The following MYO1D variants were observed in gnomAD, a reference collection of about 807,000 sequenced individuals.
The protein encoded by MYO1D is unconventional myosin-Id.
Under a neutral mutation model 122.0 loss-of-function variants are expected in MYO1D, and 83 were observed. The ratio of observed to expected loss-of-function variants is 0.68; its 90% confidence interval spans 0.57 to 0.82. The LOEUF (loss-of-function observed/expected upper bound fraction) is 0.82, where lower values mean the gene tolerates loss of function less well. MYO1D is among the 40% of genes least tolerant of loss of function. The probability of loss-of-function intolerance (pLI) is 0.00; values close to 1 mark genes in which losing one functional copy is unlikely to be tolerated. For synonymous variants in MYO1D, 464 were observed against 446.9 expected (o/e 1.04, Z -0.48); for missense variants, 1,157 against 1,269.5 (o/e 0.91, Z 1.35).
chr17:32,573,031 T>C (rs954444879), intron 21 of MYO1D, among the ~76,000 whole-genome samples: 1 of 152,072 alleles, frequency 6.6e-6, no homozygotes, highest in East Asian at 1.9e-4. Flanking sequence ...TCACTGCCTG[T>C]ATCCCAATCA....
intron 16 of MYO1D, among the ~76,000 whole-genome samples, chr17:32,692,566 T>TA (rs1375788822): frequency 1.3e-5 from 2 of 152,210 alleles, no homozygotes; most frequent in Non-Finnish European, 2.9e-5. Flanking sequence ...GAACGGCTAT[T>TA]ACAATAAAAT....
At chr17:32,864,548 GAAAAAAA>G (rs200717040) in intron 1 of MYO1D, among the ~76,000 whole-genome samples, 1 of 73,014 alleles carries the variant, frequency 1.4e-5, no homozygotes, top group Non-Finnish European at 2.6e-5. Context: ...TTCTACGAAT[GAAAAAAA>G]AAAAAAAAAA....
chr17:32,578,867 A>C (rs912538836), intron 21 of MYO1D, among the ~76,000 whole-genome samples: 1 of 152,042 alleles, frequency 6.6e-6, no homozygotes, highest in Non-Finnish European at 1.5e-5. Flanking sequence ...TTCACTCTAC[A>C]TGTTTCCTTG....
chr17:32,786,936 C>T (rs2090302254), intron 1 of MYO1D, among the ~76,000 whole-genome samples: 1 of 151,462 alleles, frequency 6.6e-6, no homozygotes, highest in African/African-American at 2.4e-5. Context: ...AAAGGCAGAC[C>T]AAGAATACCC....
At chr17:32,515,743 G>A (rs1256327334) in intron 21 of MYO1D, among the ~76,000 whole-genome samples, 2 of 152,200 alleles carry the variant, frequency 1.3e-5, no homozygotes, top group Non-Finnish European at 2.9e-5. Flanking sequence ...TTAAGTAGCA[G>A]GTGGTGGGGG....
At chr17:32,730,776 A>G (rs1240354341) in intron 14 of MYO1D, among the ~76,000 whole-genome samples, 1 of 151,864 alleles carries the variant, frequency 6.6e-6, no homozygotes, top group East Asian at 1.9e-4. Context: ...GGGCTTCCTG[A>G]TTCTGTTAAG....
rs756678463 is a variant in MYO1D, at chr17:32,755,481, A to C, written c.1467+11T>G. 6.2e-7 allele frequency: 1 copy of C among 1,612,368 alleles called. No homozygotes were observed. The highest frequency in any genetic ancestry group is 1.1e-5 in the South Asian group (1 of 90,844). On this transcript the variant is annotated intron_variant, in intron 11 of 21. Transcript: ENST00000318217. ...CAGATAAAAGGAAGAAGGTGTCATT[A>C]AACACATTACCTTTCGGCTGGAAAA...
At chr17:32,748,793 A>G (rs2089867471) in intron 12 of MYO1D, 143 bp downstream of exon 12, 1 of 770,440 alleles carries the variant, frequency 1.3e-6, no homozygotes. Context: ...GCCATTTTTA[A>G]GTTGAACAAA....
intron 21 of MYO1D, among the ~76,000 whole-genome samples, chr17:32,584,956 C>A (rs568445558): frequency 3.9e-5 from 6 of 152,298 alleles, no homozygotes; most frequent in Admixed American, 3.3e-4. Flanking sequence ...CTGTCAAATA[C>A]TCATTCCTAA....
chr17:32,632,672 CAG>C (rs1250838894), intron 20 of MYO1D, among the ~76,000 whole-genome samples: 1 of 151,286 alleles, frequency 6.6e-6, no homozygotes, highest in East Asian at 1.9e-4. Flanking sequence ...TCCTTTCTGA[CAG>C]AATTCCTTTT....
chr17:32,589,407 A>C (rs1021744525), intron 21 of MYO1D, among the ~76,000 whole-genome samples: 1 of 152,168 alleles, frequency 6.6e-6, no homozygotes, highest in Non-Finnish European at 1.5e-5. Flanking sequence ...AAGCCCAAAA[A>C]TCTTGAGGGA....
chr17:32,597,773 C>A (rs1275213181), intron 21 of MYO1D, among the ~76,000 whole-genome samples: 26 of 145,592 alleles, frequency 1.8e-4, no homozygotes, highest in Admixed American at 1.1e-3. Context: ...GAGGCTGAGG[C>A]AGGAGAATTG....
chr17:32,668,836 G>A (rs1468993002), intron 16 of MYO1D, among the ~76,000 whole-genome samples: 2 of 151,808 alleles, frequency 1.3e-5, no homozygotes, highest in Non-Finnish European at 2.9e-5. Context: ...TGAGTAGCTG[G>A]GACTACAGGT....
chr17:32,643,366 A>G (rs1253113168), intron 19 of MYO1D, among the ~76,000 whole-genome samples: 1 of 152,162 alleles, frequency 6.6e-6, no homozygotes, highest in Non-Finnish European at 1.5e-5. Flanking sequence ...TTCATCAGGT[A>G]TATTGGTCTA....
chr17:32,776,057 A>G (rs780883458), intron 3 of MYO1D, 28 bp from the exon 4 acceptor site: 5 of 1,594,582 alleles, frequency 3.1e-6, no homozygotes, highest in Admixed American at 1.8e-5. Context: ...GAAAGTCATT[A>G]TAAAAACTTA....
At chr17:32,515,555 G>C (rs533221091) in intron 21 of MYO1D, among the ~76,000 whole-genome samples, 14 of 152,230 alleles carry the variant, frequency 9.2e-5, no homozygotes. Context: ...GCCTCCCAAA[G>C]TGTTGGTATT....
intron 7 of MYO1D, 81 bp downstream of exon 7, chr17:32,767,555 A>G (rs1196037840): frequency 1.1e-6 from 1 of 909,562 alleles, no homozygotes. Flanking sequence ...TTTTAAATCT[A>G]CAGGGAAAAA....
At chr17:32,722,568 C>T (rs62068429) in intron 14 of MYO1D, among the ~76,000 whole-genome samples, 3,619 of 152,298 alleles carry the variant, frequency 0.024, 64 homozygotes, top group Non-Finnish European at 0.037. Flanking sequence ...CACTGAAGGA[C>T]TCGTGATAGC....
intron 21 of MYO1D, among the ~76,000 whole-genome samples, chr17:32,596,618 C>T (rs1027970903): frequency 6.6e-5 from 10 of 152,258 alleles, no homozygotes; most frequent in South Asian, 4.1e-4. Flanking sequence ...AATCCAGTAA[C>T]AGTGCTCCTT....
Sources: allele counts gnomAD v4.1 joint callset (sites outside exome capture counted in the v4.1 genomes callset), GRCh38; gene constraint gnomAD v4.1.1; transcripts MANE v1.5; gene names NCBI Gene and HGNC (gene_info 2026-07-23, HGNC 2026-07-21).